PSD: variants seen among roughly 807,000 people sequenced by gnomAD.
The protein encoded by PSD is PH and SEC7 domain-containing protein 1.
Under a neutral mutation model 91.6 loss-of-function variants are expected in PSD, and 32 were observed. The observed-to-expected ratio is 0.35, with a 90% CI of 0.26 to 0.47. PSD has a LOEUF of 0.47. Among genes scored for constraint, PSD ranks in the 20% least tolerant of loss-of-function variants. PSD has a pLI of 1.00. For synonymous variants in PSD, 532 were observed against 569.3 expected (o/e 0.93, Z 0.93); for missense variants, 1,099 against 1,373.9 (o/e 0.80, Z 3.16).
rs975235439 is a variant in PSD at position 102,410,049 on chromosome 10, A to G, written c.2091+809T>C. Among the ~76,000 whole-genome samples, 4 of 152,080 alleles carry G rather than the reference A, an allele frequency of 2.6e-5. No individual in the cohort carries two copies. Among genetic ancestry groups the G allele is most frequent in the African/African-American group, 9.7e-5 (4 of 41,402 alleles). ...GACGTTCCCTCTCAGATATACCCCA[A>G]ACTCAGAAGCCCAGCACCCCAAGCT... is the stretch of plus-strand genomic sequence containing the variant. On this transcript the variant is annotated intron_variant, in intron 10 of 16. Transcript: ENST00000020673. This position sits in a 1 kb window ranked among gnomAD's most constrained non-coding sequence, Gnocchi z 6.0.
At position 102,405,141 on chromosome 10, in the gene PSD, C is replaced by T. The variant is rs376410260; in HGVS notation, c.2397+42G>A. On this transcript the variant is annotated intron_variant, in intron 13 of 16. Coordinates refer to ENST00000020673, the MANE Select transcript of PSD (RefSeq NM_002779.5). This position sits in a 1 kb window ranked among gnomAD's most constrained non-coding sequence, Gnocchi z 5.4. ...CCACCCATCACCCCACACCCACCAG[C>T]CAACTCAGTCCCAGCCCCAGCCCCC... The T allele has an allele frequency of 2.5e-6, 4 of 1,610,596 alleles. No individual in the cohort carries two copies. The highest frequency in any genetic ancestry group is 3.4e-6 in the Non-Finnish European group (4 of 1,179,366).
At position 102,414,118 on chromosome 10, in the gene PSD, A is replaced by C. The variant is rs759893430; in HGVS notation, c.1204T>G (p.Phe402Val). Residue 402 changes from phenylalanine to valine, a missense_variant, in exon 5 of 17, where the codon TTC (phenylalanine) becomes GTC (valine). By Grantham distance (50) the Phe-to-Val change is conservative. Transcript: ENST00000020673. The surrounding 1 kb of genome is among the most constrained non-coding windows in gnomAD (Gnocchi z 5.6). ...TSPSADGPDS[F>V]SCVFEAILES... Reference sequence around the variant, plus strand: ...AGGATGGCTTCGAACACACAACTGAAAGAGTCAGGCCCATCAGCCGAGGGG... The same window carrying C: ...AGGATGGCTTCGAACACACAACTGACAGAGTCAGGCCCATCAGCCGAGGGG... The C allele has an allele frequency of 2.5e-6, 4 of 1,614,028 alleles. No homozygotes were observed. The highest frequency in any genetic ancestry group is 1.7e-6 in the Non-Finnish European group (2 of 1,179,956).
chr10:102,405,978 G>A lies in PSD; in HGVS notation c.2136-442C>T, dbSNP rs1208714997. ...CCCCCACCCCAACCCCATACATCCTGGTCTACAGGCTCAGTCAGATACAAA... is the reference window on the plus strand; with the variant it reads ...CCCCCACCCCAACCCCATACATCCTAGTCTACAGGCTCAGTCAGATACAAA... On this transcript the variant is annotated intron_variant, in intron 11 of 16. Transcript: ENST00000020673. This position sits in a 1 kb window ranked among gnomAD's most constrained non-coding sequence, Gnocchi z 5.4. 11 of 169,380 alleles carry A rather than the reference G, an allele frequency of 6.5e-5. No individual in the cohort carries two copies. The highest frequency in any genetic ancestry group is 9.5e-5 in the African/African-American group (4 of 41,968). 10.5% of individuals were successfully genotyped at this position (169,380 alleles called of 1,614,324 possible).
chr10:102,403,525 T>C lies in PSD; in HGVS notation c.2845-95A>G, dbSNP rs1229818526. On this transcript the variant is annotated intron_variant, in intron 16 of 16. Transcript: ENST00000020673. The surrounding 1 kb of genome is among the most constrained non-coding windows in gnomAD (Gnocchi z 6.7). ...GGAGGGCCGCCAGCAGGGCAGAAGA[T>C]GGCAGGTGCCCACCCAGGACTGTGA... 4 of 1,228,054 alleles carry C rather than the reference T, an allele frequency of 3.3e-6. No individual in the cohort carries two copies. The highest frequency in any genetic ancestry group is 4.5e-6 in the Non-Finnish European group (4 of 891,260). 76.1% of individuals were successfully genotyped at this position (1,228,054 alleles called of 1,614,324 possible). A position where few individuals can be genotyped will look rare whatever the true frequency, so the allele number is the denominator to read the frequency against.
In PSD at chr10:102,405,886, C is replaced by T; in HGVS notation, c.2136-350G>A. ...CCTCCGCTGGCTCAACCACATCCAG[C>T]CCCAGGCTTTGCTCACGGTTTGTGG... On this transcript the variant is annotated intron_variant, in intron 11 of 16. Coordinates refer to ENST00000020673, the MANE Select transcript of PSD (RefSeq NM_002779.5). The surrounding 1 kb of genome is among the most constrained non-coding windows in gnomAD (Gnocchi z 5.4). 4.0e-6 allele frequency: 1 copy of T among 247,994 alleles called. No homozygotes were observed. Among genetic ancestry groups the T allele is most frequent in the Non-Finnish European group, 7.8e-6 (1 of 127,432 alleles). 15.4% of individuals were successfully genotyped at this position (247,994 alleles called of 1,614,324 possible).
chr10:102,415,980 C>G, intron 3 of PSD, 37 bp downstream of exon 3: 1 of 1,540,210 alleles, frequency 6.5e-7, no homozygotes, highest in Non-Finnish European at 8.9e-7. Context: ...TGGGGAAGGC[C>G]CTGCCCTGTT....
intron 5 of PSD, among the ~76,000 whole-genome samples, chr10:102,413,050 C>T (rs999741303): frequency 8.5e-5 from 13 of 152,112 alleles, no homozygotes; most frequent in African/African-American, 3.1e-4. Context: ...AGGAACCTCT[C>T]CTTGGTGCTC....
In PSD at chr10:102,409,298, G is replaced by A. The variant is rs992749825; in HGVS notation, c.2091+1560C>T. On this transcript the variant is annotated intron_variant, in intron 10 of 16. Coordinates refer to ENST00000020673, the MANE Select transcript of PSD (RefSeq NM_002779.5). The surrounding 1 kb of genome is among the most constrained non-coding windows in gnomAD (Gnocchi z 5.7). Reference sequence around the variant, plus strand: ...GCTCTGCGGCTTGGCTAGAGCGGGAGGGGGGCGCCGACGGGAAAGGGAGGG... The same window carrying A: ...GCTCTGCGGCTTGGCTAGAGCGGGAAGGGGGCGCCGACGGGAAAGGGAGGG... 2.8e-5 allele frequency: 28 copies of A among 985,322 alleles called. No individual in the cohort carries two copies. In the African/African-American group the frequency reaches 4.7e-4, roughly 17 times the overall value. The allele number at this position is 985,322 out of a possible 1,614,324, so 61.0% of individuals were successfully genotyped here. A position where few individuals can be genotyped will look rare whatever the true frequency, so the allele number is the denominator to read the frequency against.
rs371738181 is a variant in PSD at position 102,416,949 on chromosome 10, C to T, written c.90G>A (p.Pro30=). 90 of 1,602,780 alleles carry T rather than the reference C, an allele frequency of 5.6e-5. No individual in the cohort carries two copies. The highest frequency in any genetic ancestry group is 6.7e-5 in the Non-Finnish European group (79 of 1,179,372). The change falls in exon 2 of 17, where the codon CCG becomes CCA. Residue 30 remains proline (P), a synonymous_variant. Coordinates refer to ENST00000020673, the MANE Select transcript of PSD (RefSeq NM_002779.5). The surrounding 1 kb of genome is among the most constrained non-coding windows in gnomAD (Gnocchi z 6.0). ...RCPRRWLPEG[P]VPQSPPASMY... ...TGCTGGCTGGGGGGCTCTGGGGCAC[C>T]GGGCCTTCGGGGAGCCAGCGGCGTG...
In PSD at chr10:102,415,002, A is replaced by G. The variant is rs2135459906; in HGVS notation, c.985T>C (p.Tyr329His). The change falls in exon 4 of 17, where the codon TAC (tyrosine) becomes CAC (histidine). Residue 329 changes from tyrosine to histidine, a missense_variant. Coordinates refer to ENST00000020673, the MANE Select transcript of PSD (RefSeq NM_002779.5). ...PSSEGPPGTAYPPAPRPGPLP... is the reference protein window; with the variant it reads ...PSSEGPPGTAHPPAPRPGPLP... ...GGGCCGGGCCGTGGGGCAGGTGGGT[A>G]GGCAGTGCCTGGTGGGCCCTCAGAG... is the stretch of plus-strand genomic sequence containing the variant. 6.2e-7 allele frequency: 1 copy of G among 1,607,524 alleles called. No homozygotes were observed. Among genetic ancestry groups the G allele is most frequent in the Non-Finnish European group, 8.5e-7 (1 of 1,175,206 alleles).
At position 102,405,391 on chromosome 10, in the gene PSD, C is replaced by T; in HGVS notation, c.2281G>A (p.Gly761Arg). 2 of 1,613,760 alleles carry T rather than the reference C, an allele frequency of 1.2e-6. No individual in the cohort carries two copies. Among genetic ancestry groups the T allele is most frequent in the Non-Finnish European group, 1.7e-6 (2 of 1,180,014 alleles). Residue 761 changes from glycine to arginine, a missense_variant, in exon 12 of 17, where the codon GGG (glycine) becomes AGG (arginine). Physicochemically the swap from Gly to Arg is moderately radical, Grantham distance 125. Transcript: ENST00000020673. The surrounding 1 kb of genome is among the most constrained non-coding windows in gnomAD (Gnocchi z 5.4). ...PEPGAAVYKH[G>R]ALVRKVHADP... is the part of the protein sequence containing the mutation. Reference sequence around the variant, plus strand: ...GCGTGCACCTTTCGCACCAGGGCCCCGTGCTTGTAGACGGCAGCCCCAGGC... The same window carrying T: ...GCGTGCACCTTTCGCACCAGGGCCCTGTGCTTGTAGACGGCAGCCCCAGGC...
At chr10:102,415,983 G>C in intron 3 of PSD, 34 bp downstream of exon 3, 1 of 1,550,318 alleles carries the variant, frequency 6.5e-7, no homozygotes, top group Non-Finnish European at 8.9e-7. Flanking sequence ...GGAAGGCCCT[G>C]CCCTGTTCTC....
Position 102,409,209 on chromosome 10 carries a change from C to T in PSD, c.2091+1649G>A, listed in dbSNP as rs2061399767. 1.0e-6 allele frequency: 1 copy of T among 982,578 alleles called. No homozygotes were observed. The highest frequency in any genetic ancestry group is 1.2e-6 in the Non-Finnish European group (1 of 828,858). 60.9% of individuals were successfully genotyped at this position (982,578 alleles called of 1,614,324 possible). A position where few individuals can be genotyped will look rare whatever the true frequency, so the allele number is the denominator to read the frequency against. On this transcript the variant is annotated intron_variant, in intron 10 of 16. Transcript: ENST00000020673. The surrounding 1 kb of genome is among the most constrained non-coding windows in gnomAD (Gnocchi z 5.7). ...GACAGCCAGCGCGAGCGGCGCGGCC[C>T]GGCCCGAGCCGGCCCGGCTCTCACG...
At position 102,405,118 on chromosome 10, in the gene PSD, A is replaced by G. The variant is rs1040317081; in HGVS notation, c.2398-63T>C. 6.2e-7 allele frequency: 1 copy of G among 1,607,498 alleles called. No homozygotes were observed. Among genetic ancestry groups the G allele is most frequent in the Non-Finnish European group, 8.5e-7 (1 of 1,177,458 alleles). ...GCCTGGCCCAGCCCCTCCTATTCCCACCCATCACCCCACACCCACCAGCCA... is the reference window on the plus strand; with the variant it reads ...GCCTGGCCCAGCCCCTCCTATTCCCGCCCATCACCCCACACCCACCAGCCA... On this transcript the variant is annotated intron_variant, in intron 13 of 16. Transcript: ENST00000020673. The surrounding 1 kb of genome is among the most constrained non-coding windows in gnomAD (Gnocchi z 5.4).
In PSD at chr10:102,404,828, AG is replaced by A. The variant is rs949251479; in HGVS notation, c.2555+69del. The stretch of plus-strand genomic sequence containing the variant: ...GGCCTGAGAAGGAATGAAAAAATCC[AG>A]GGACAGGGAGGGGAGCAGGATGGGA... On this transcript the variant is annotated intron_variant, in intron 14 of 16. Transcript: ENST00000020673. The surrounding 1 kb of genome is among the most constrained non-coding windows in gnomAD (Gnocchi z 5.7). The A allele has an allele frequency of 3.8e-6, 6 of 1,576,964 alleles. No homozygotes were observed. In the Admixed American group the frequency reaches 7.0e-5, roughly 18 times the overall value.
chr10:102,412,206 C>T lies in PSD; in HGVS notation c.1770G>A (p.Val590=). 2 of 1,614,184 alleles carry T rather than the reference C, an allele frequency of 1.2e-6. No homozygotes were observed. Among genetic ancestry groups the T allele is most frequent in the South Asian group, 1.1e-5 (1 of 91,088 alleles). The change falls in exon 7 of 17, where the codon GTG becomes GTA. Residue 590 remains valine, a synonymous_variant. Transcript: ENST00000020673. ...LGKNNDFSKL[V]AGEYLKFFVF... is the part of the protein sequence containing the mutation. ...CAAAGAACTTGAGGTACTCCCCAGC[C>T]ACCAGTTTGCTGAAGTCATTGCTGT...
Position 102,409,029 on chromosome 10 carries a change from C to G in PSD, c.2092-1763G>C. 1.0e-6 allele frequency: 1 copy of G among 986,648 alleles called. No individual in the cohort carries two copies. The highest frequency in any genetic ancestry group is 1.2e-6 in the Non-Finnish European group (1 of 830,036). The allele number at this position is 986,648 out of a possible 1,614,324, so 61.1% of individuals were successfully genotyped here. On this transcript the variant is annotated intron_variant, in intron 10 of 16. Transcript: ENST00000020673. The surrounding 1 kb of genome is among the most constrained non-coding windows in gnomAD (Gnocchi z 5.7). ...CCGCGGTGGGTGCGCCCGTAGCGCA[C>G]GGAGCACAGCGAGCGCGAGCGCAGC...
rs1278199675 is a variant in PSD at position 102,413,869 on chromosome 10, C to T, written c.1453G>A (p.Glu485Lys). 1 of 1,614,052 alleles carries T rather than the reference C, an allele frequency of 6.2e-7. No homozygotes were observed. Among genetic ancestry groups the T allele is most frequent in the East Asian group, 2.2e-5 (1 of 44,864 alleles). Reference sequence around the variant, plus strand: ...AGCTTGGCTCTGGCCTCTGCCTCCTCCTCCTCCCCTCTCTGTGTCCAAGGA... The same window carrying T: ...AGCTTGGCTCTGGCCTCTGCCTCCTTCTCCTCCCCTCTCTGTGTCCAAGGA... ...DGPWTQRGEE[E>K]EAEARAKLAP... Residue 485 changes from glutamate to lysine, a missense_variant, in exon 5 of 17, where the codon GAG becomes AAG. This residue lies in a region of PSD where 631 missense variants were observed against 728.8 expected (regional missense o/e 0.87). Transcript: ENST00000020673.
At chr10:102,408,100 G>C (rs2061383114) in intron 10 of PSD, among the ~76,000 whole-genome samples, 3 of 152,182 alleles carry the variant, frequency 2.0e-5, no homozygotes, top group Non-Finnish European at 4.4e-5. Flanking sequence ...CTGGAATATG[G>C]GTCCACGCCA....
Sources: allele counts gnomAD v4.1 joint callset (sites outside exome capture counted in the v4.1 genomes callset), GRCh38; gene constraint gnomAD v4.1.1; regional missense constraint gnomAD v4.1.1; non-coding constraint Gnocchi (gnomAD v3.1); transcripts MANE v1.5; gene names NCBI Gene and HGNC (gene_info 2026-07-23, HGNC 2026-07-21).